The following ZBTB39 variants were observed in gnomAD, a reference collection of about 807,000 sequenced individuals.
The protein encoded by ZBTB39 is zinc finger and BTB domain containing 39, also known as zinc finger and BTB domain-containing protein 39.
ZBTB39 carries 25 observed loss-of-function variants against 39.4 expected under a neutral mutation model. The observed-to-expected ratio is 0.63, with a 90% CI of 0.46 to 0.89. The LOEUF (loss-of-function observed/expected upper bound fraction) is 0.89, where lower values mean the gene tolerates loss of function less well. ZBTB39 is among the 40% of genes least tolerant of loss of function. The pLI is 0.00. For missense variants in ZBTB39, 891 were observed against 909.7 expected, an observed-to-expected ratio of 0.98 and a Z score of 0.26; for synonymous variants, 373 against 359.6, an observed-to-expected ratio of 1.04 and a Z score of -0.42.
In ZBTB39 at chr12:57,004,293, T is replaced by C; in HGVS notation, c.625A>G (p.Thr209Ala). Reference protein sequence around the residue: ...LPQPPPPPPKTEDHDTPAPFT... With the variant: ...LPQPPPPPPKAEDHDTPAPFT... Reference sequence around the variant, plus strand: ...GGAGCAGGGGTGTCATGGTCTTCTGTCTTTGGCGGTGGTGGGGGCGGTTGC... The same window carrying C: ...GGAGCAGGGGTGTCATGGTCTTCTGCCTTTGGCGGTGGTGGGGGCGGTTGC... Residue 209 changes from threonine (T) to alanine (A), a missense_variant, in exon 2 of 2, where the codon ACA becomes GCA. Coordinates refer to ENST00000300101, the MANE Select transcript of ZBTB39 (RefSeq NM_014830.3). The C allele has an allele frequency of 1.9e-6, 3 of 1,614,036 alleles. No individual in the cohort carries two copies. Among genetic ancestry groups the C allele is most frequent in the Non-Finnish European group, 2.5e-6 (3 of 1,180,002 alleles).
In ZBTB39 at chr12:57,004,459, G is replaced by A; in HGVS notation, c.459C>T (p.Ala153=). The A allele has an allele frequency of 1.9e-6, 3 of 1,614,128 alleles. No homozygotes were observed. Among genetic ancestry groups the A allele is most frequent in the Non-Finnish European group, 2.5e-6 (3 of 1,180,034 alleles). The change falls in exon 2 of 2, where the codon GCC becomes GCT. Residue 153 remains alanine (A), a synonymous_variant. Coordinates refer to ENST00000300101, the MANE Select transcript of ZBTB39 (RefSeq NM_014830.3). ...GTLSCPSAEP[A]HPLGELRGGG... ...CACCTCGGAGTTCTCCAAGGGGATG[G>A]GCAGGTTCTGCCGAAGGACAACTCA...
At chr12:57,005,080 A>C in intron 1 of ZBTB39, 119 bp from the exon 2 acceptor site, 1 of 682,046 alleles carries the variant, frequency 1.5e-6, no homozygotes, top group Non-Finnish European at 2.4e-6. Context: ...ATCAGGAGTA[A>C]ACTGGCATGG....
Position 57,004,880 on chromosome 12 carries a change from G to A in ZBTB39, c.38C>T (p.Pro13Leu), listed in dbSNP as rs1220780976. The A allele has an allele frequency of 6.2e-7, 1 of 1,610,314 alleles. No homozygotes were observed. The change falls in exon 2 of 2, where the codon CCC becomes CTC. Residue 13 changes from proline to leucine, a missense_variant. Transcript: ENST00000300101. ...MRIKLQSTNH[P>L]NNLLKELNKC... The stretch of plus-strand genomic sequence containing the variant: ...GTTGAGTTCCTTCAGCAGGTTGTTG[G>A]GGTGGTTGGTGCTTTGCAGTTTGAT...
rs1310254006 is a variant in ZBTB39 at position 57,006,410 on chromosome 12, T to C, written c.-50A>G. 3.3e-5 allele frequency: 5 copies of C among 150,578 alleles called. No individual in the cohort carries two copies. The highest frequency in any genetic ancestry group is 4.9e-5 in the African/African-American group (2 of 41,156). The allele number at this position is 150,578 out of a possible 1,614,324, so 9.3% of individuals were successfully genotyped here. A position where few individuals can be genotyped will look rare whatever the true frequency, so the allele number is the denominator to read the frequency against. On this transcript the variant is annotated 5_prime_UTR_variant, in exon 1 of 2. Coordinates refer to ENST00000300101, the MANE Select transcript of ZBTB39 (RefSeq NM_014830.3). ...CTCGGCCTGGCCGCGCTTACCCGGCTCTGCGGCGCCCCGAGCACCATCGCC... is the reference window on the plus strand; with the variant it reads ...CTCGGCCTGGCCGCGCTTACCCGGCCCTGCGGCGCCCCGAGCACCATCGCC...
chr12:57,004,841 G>T lies in ZBTB39; in HGVS notation c.77C>A (p.Ser26Ter). Residue 26 changes from serine (S) to a stop codon, truncating the protein, a stop_gained, in exon 2 of 2, where the codon TCA becomes TAA. Transcript: ENST00000300101. LOFTEE classifies it high-confidence loss of function. ...LLKELNKCRL[S>*]ETMCDVTIVV... is the part of the protein sequence containing the mutation. ...AATGGTGACGTCGCACATGGTCTCT[G>T]AGAGCCGGCACTTGTTGAGTTCCTT... 2 of 1,613,988 alleles carry T rather than the reference G, an allele frequency of 1.2e-6. No homozygotes were observed. The highest frequency in any genetic ancestry group is 1.7e-6 in the Non-Finnish European group (2 of 1,179,884).
Position 57,002,951 on chromosome 12 carries a change from G to A in ZBTB39, c.1967C>T (p.Ser656Leu), listed in dbSNP as rs377662761. The A allele has an allele frequency of 4.0e-5, 65 of 1,614,136 alleles. No homozygotes were observed. Among genetic ancestry groups the A allele is most frequent in the East Asian group, 6.7e-5 (3 of 44,900 alleles). ...STIKCHLKTHSGALMYRCTVC... is the reference protein window; with the variant it reads ...STIKCHLKTHLGALMYRCTVC... ...TGTGCAGCGGTACATGAGGGCCCCC[G>A]AGTGTGTCTTTAGGTGGCACTTGAT... is the stretch of plus-strand genomic sequence containing the variant. The change falls in exon 2 of 2, where the codon TCG becomes TTG. Residue 656 changes from serine (S) to leucine (L), a missense_variant. Physicochemically the swap from Ser to Leu is moderately radical, Grantham distance 145. Coordinates refer to ENST00000300101, the MANE Select transcript of ZBTB39 (RefSeq NM_014830.3).
In ZBTB39 at chr12:56,999,052, T is replaced by G. The variant is rs1956194890; in HGVS notation, c.*3727A>C. The G allele has an allele frequency of 6.6e-6, 1 of 152,620 alleles. No homozygotes were observed. Among genetic ancestry groups the G allele is most frequent in the Non-Finnish European group, 1.5e-5 (1 of 68,038 alleles). The allele number at this position is 152,620 out of a possible 1,614,324, so 9.5% of individuals were successfully genotyped here. A position where few individuals can be genotyped will look rare whatever the true frequency, so the allele number is the denominator to read the frequency against. ...GAAGGAGTTAGACGTCAACAACTCT[T>G]CTCTGTTTCATAAGAGACTTTAGCT... On this transcript the variant is annotated 3_prime_UTR_variant, in exon 2 of 2. Transcript: ENST00000300101.
Position 57,004,832 on chromosome 12 carries a change from A to G in ZBTB39, c.86T>C (p.Met29Thr). 1.2e-6 allele frequency: 2 copies of G among 1,614,108 alleles called. No homozygotes were observed. Among genetic ancestry groups the G allele is most frequent in the Non-Finnish European group, 1.7e-6 (2 of 1,179,970 alleles). Residue 29 changes from methionine to threonine, a missense_variant, in exon 2 of 2, where the codon ATG becomes ACG. By Grantham distance (81) the Met-to-Thr change is moderately conservative. Coordinates refer to ENST00000300101, the MANE Select transcript of ZBTB39 (RefSeq NM_014830.3). The stretch of plus-strand genomic sequence containing the variant: ...CCCCACCACAATGGTGACGTCGCAC[A>G]TGGTCTCTGAGAGCCGGCACTTGTT... ...ELNKCRLSET[M>T]CDVTIVVGSR...
In ZBTB39 at chr12:57,004,454, G is replaced by T; in HGVS notation, c.464C>A (p.Pro155His). The T allele has an allele frequency of 1.2e-6, 2 of 1,614,156 alleles. No homozygotes were observed. Among genetic ancestry groups the T allele is most frequent in the Non-Finnish European group, 1.7e-6 (2 of 1,180,034 alleles). ...CCCACCACCTCGGAGTTCTCCAAGG[G>T]GATGGGCAGGTTCTGCCGAAGGACA... ...LSCPSAEPAHPLGELRGGGDY... is the reference protein window; with the variant it reads ...LSCPSAEPAHHLGELRGGGDY... The change falls in exon 2 of 2, where the codon CCC becomes CAC. Residue 155 changes from proline to histidine, a missense_variant. By Grantham distance (77) the Pro-to-His change is moderately conservative. Coordinates refer to ENST00000300101, the MANE Select transcript of ZBTB39 (RefSeq NM_014830.3).
chr12:57,004,789 G>C lies in ZBTB39; in HGVS notation c.129C>G (p.Ala43=). ...TIVVGSRSFP[A]HKAVLACAAG... Reference sequence around the variant, plus strand: ...CTGCACAGGCCAGCACAGCCTTGTGGGCCGGGAAGGAGCGGCTCCCCACCA... The same window carrying C: ...CTGCACAGGCCAGCACAGCCTTGTGCGCCGGGAAGGAGCGGCTCCCCACCA... The change falls in exon 2 of 2, where the codon GCC becomes GCG. Residue 43 remains alanine, a synonymous_variant. Transcript: ENST00000300101. 5 of 1,614,174 alleles carry C rather than the reference G, an allele frequency of 3.1e-6. No homozygotes were observed. The highest frequency in any genetic ancestry group is 3.4e-6 in the Non-Finnish European group (4 of 1,180,020).
rs1403121974 is a variant in ZBTB39, at chr12:57,003,552, A to G, written c.1366T>C (p.Cys456Arg). 2 of 1,614,140 alleles carry G rather than the reference A, an allele frequency of 1.2e-6. No individual in the cohort carries two copies. The part of the protein sequence containing the change: ...AASPELKCAA[C>R]GKVLAKDFHV... ...AAATCTTTGGCCAATACTTTCCCAC[A>G]GGCAGCGCATTTCAGCTCTGGGGAG... is the stretch of plus-strand genomic sequence containing the variant. Residue 456 changes from cysteine to arginine, a missense_variant, in exon 2 of 2, where the codon TGT (cysteine) becomes CGT (arginine). Transcript: ENST00000300101. This position sits in a 1 kb window ranked among gnomAD's most constrained non-coding sequence, Gnocchi z 4.8.
In ZBTB39 at chr12:56,999,775, C is replaced by A. The variant is rs1432976248; in HGVS notation, c.*3004G>T. The stretch of plus-strand genomic sequence containing the variant: ...GTATTACCATTTTCCCCTCGGAAAA[C>A]AAGTTGGGAATGGCCTCATATTTGG... On this transcript the variant is annotated 3_prime_UTR_variant, in exon 2 of 2. Transcript: ENST00000300101. The A allele has an allele frequency of 2.6e-5, 4 of 152,140 alleles. No individual in the cohort carries two copies. The highest frequency in any genetic ancestry group is 5.9e-5 in the Non-Finnish European group (4 of 68,030). 9.4% of individuals were successfully genotyped at this position (152,140 alleles called of 1,614,324 possible). A position where few individuals can be genotyped will look rare whatever the true frequency, so the allele number is the denominator to read the frequency against.
chr12:57,000,597 T>C lies in ZBTB39; in HGVS notation c.*2182A>G, dbSNP rs1057154905. Reference sequence around the variant, plus strand: ...TGAAAATGTAGCAGACACTTGACTGTAGTCTGTTACACATTTCCTTCTTAA... The same window carrying C: ...TGAAAATGTAGCAGACACTTGACTGCAGTCTGTTACACATTTCCTTCTTAA... On this transcript the variant is annotated 3_prime_UTR_variant, in exon 2 of 2. Transcript: ENST00000300101. 1.3e-5 allele frequency: 2 copies of C among 152,600 alleles called. No homozygotes were observed. The highest frequency in any genetic ancestry group is 2.9e-5 in the Non-Finnish European group (2 of 68,068). The allele number at this position is 152,600 out of a possible 1,614,324, so 9.5% of individuals were successfully genotyped here.
chr12:57,004,556 G>T lies in ZBTB39; in HGVS notation c.362C>A (p.Thr121Asn). ...GGCAGTGCTCTCCAGATCAGGAAAG[G>T]TAGAGTGACAGGCCTGGAGGAGGTC... ...MEDLLQACHSTFPDLESTARA... is the reference protein window; with the variant it reads ...MEDLLQACHSNFPDLESTARA... The change falls in exon 2 of 2, where the codon ACC becomes AAC. Residue 121 changes from threonine (T) to asparagine (N), a missense_variant. Thr to Asn is a moderately conservative substitution (Grantham distance 65). Coordinates refer to ENST00000300101, the MANE Select transcript of ZBTB39 (RefSeq NM_014830.3). The T allele has an allele frequency of 6.2e-7, 1 of 1,614,240 alleles. No homozygotes were observed.
At position 57,000,628 on chromosome 12, in the gene ZBTB39, A is replaced by C. The variant is rs1048244405; in HGVS notation, c.*2151T>G. Reference sequence around the variant, plus strand: ...GTTACACATTTCCTTCTTAAATTCTAATGGTCAGTGTGAGTAAGAAAGGGA... The same window carrying C: ...GTTACACATTTCCTTCTTAAATTCTCATGGTCAGTGTGAGTAAGAAAGGGA... On this transcript the variant is annotated 3_prime_UTR_variant, in exon 2 of 2. Transcript: ENST00000300101. 1 of 152,350 alleles carries C rather than the reference A, an allele frequency of 6.6e-6. No individual in the cohort carries two copies. Among genetic ancestry groups the C allele is most frequent in the Non-Finnish European group, 1.5e-5 (1 of 68,052 alleles). 9.4% of individuals were successfully genotyped at this position (152,350 alleles called of 1,614,324 possible). A position where few individuals can be genotyped will look rare whatever the true frequency, so the allele number is the denominator to read the frequency against.
Position 57,004,080 on chromosome 12 carries a change from T to C in ZBTB39, c.838A>G (p.Ser280Gly). 1.9e-6 allele frequency: 3 copies of C among 1,614,240 alleles called. No individual in the cohort carries two copies. Among genetic ancestry groups the C allele is most frequent in the Non-Finnish European group, 2.5e-6 (3 of 1,180,038 alleles). Residue 280 changes from serine (S) to glycine (G), a missense_variant, in exon 2 of 2, where the codon AGT (serine) becomes GGT (glycine). Physicochemically the swap from Ser to Gly is moderately conservative, Grantham distance 56. Transcript: ENST00000300101. Reference protein sequence around the residue: ...TTGTNSCLSNSEHSKDPGFGQ... With the variant: ...TTGTNSCLSNGEHSKDPGFGQ... The stretch of plus-strand genomic sequence containing the variant: ...AAGCCAGGATCTTTGGAGTGCTCAC[T>C]ATTGCTCAGACAGGAGTTGGTCCCA...
Sources: gnomAD v4.1 joint callset for allele counts on GRCh38, gnomAD v4.1.1 for gene constraint, Gnocchi (gnomAD v3.1) non-coding constraint, MANE v1.5 for transcripts, NCBI Gene and HGNC (gene_info 2026-07-23, HGNC 2026-07-21) for gene names.